Variants in NYAP2 observed in about 807,000 individuals in gnomAD.
NYAP2 encodes the protein neuronal tyrosine-phosphorylated phosphoinositide-3-kinase adaptor 2.
Under a neutral mutation model 50.4 loss-of-function variants are expected in NYAP2, and 23 were observed. The ratio of observed to expected loss-of-function variants is 0.46; its 90% CI spans 0.33 to 0.65. The LOEUF (loss-of-function observed/expected upper bound fraction) is 0.65. NYAP2 is among the 30% of genes least tolerant of loss of function. The pLI is 0.02. For synonymous variants in NYAP2, 394 were observed against 365.2 expected, an observed-to-expected ratio of 1.08 and a Z score of -0.90; for missense variants, 885 against 861.0, an observed-to-expected ratio of 1.03 and a Z score of -0.35.
chr2:225,414,784 G>A (rs1051526826), intron 3 of NYAP2, among the ~76,000 whole-genome samples: 7 of 152,128 alleles, frequency 4.6e-5, no homozygotes, highest in African/African-American at 1.7e-4. Flanking sequence ...TGCTAAATGT[G>A]CAAAAAGTCC....
intron 3 of NYAP2, among the ~76,000 whole-genome samples, chr2:225,413,334 A>G (rs1315843126): frequency 6.6e-6 from 1 of 152,102 alleles, no homozygotes; most frequent in African/African-American, 2.4e-5. Context: ...AAAAAATAGG[A>G]CAGGAGGAGG....
chr2:225,656,746 G>A (rs1693834526), downstream of NYAP2, among the ~76,000 whole-genome samples: 1 of 152,006 alleles, frequency 6.6e-6, no homozygotes, highest in Non-Finnish European at 1.5e-5. Context: ...CAGGGTGAAG[G>A]ACTTAGGTGA....
the NYAP2 span, among the ~76,000 whole-genome samples, chr2:225,691,849 C>T: frequency 6.6e-6 from 1 of 152,104 alleles, no homozygotes; most frequent in African/African-American, 2.4e-5. Context: ...ACTTTGAGAA[C>T]TCCAGCTTCC....
the NYAP2 span, chr2:225,701,979 T>C: frequency 1.3e-5 from 2 of 151,754 alleles, no homozygotes; most frequent in Non-Finnish European, 3.0e-5. Context: ...ACTAATAAAA[T>C]AAGACATCAA....
intron 3 of NYAP2, among the ~76,000 whole-genome samples, chr2:225,440,914 T>C (rs1689459890): frequency 6.6e-6 from 1 of 152,220 alleles, no homozygotes; most frequent in African/African-American, 2.4e-5. Context: ...AAAATCTGGC[T>C]GTCTCCATGT....
intron 6 of NYAP2, among the ~76,000 whole-genome samples, chr2:225,634,141 G>T (rs945022193): frequency 6.6e-6 from 1 of 152,212 alleles, no homozygotes; most frequent in African/African-American, 2.4e-5. Context: ...AGCACTAAAA[G>T]AGAAATAGAG....
the NYAP2 span, among the ~76,000 whole-genome samples, chr2:225,669,989 A>G: frequency 6.6e-6 from 1 of 152,186 alleles, no homozygotes; most frequent in Non-Finnish European, 1.5e-5. Context: ...TGAGGGGAAG[A>G]TGAAGAGCTC....
At chr2:225,686,820 T>C in the NYAP2 span, among the ~76,000 whole-genome samples, 1,493 of 152,210 alleles carry the variant, frequency 9.8e-3, 17 homozygotes, top group African/African-American at 0.034. Context: ...AGGATCTTGA[T>C]AATAATGAAG....
chr2:225,664,895 A>G, the NYAP2 span, among the ~76,000 whole-genome samples: 1 of 151,562 alleles, frequency 6.6e-6, no homozygotes, highest in African/African-American at 2.4e-5. Flanking sequence ...ACAAACAAAA[A>G]CCCCCAAAGG....
intron 6 of NYAP2, among the ~76,000 whole-genome samples, chr2:225,650,572 T>C (rs969805008): frequency 6.6e-6 from 1 of 152,136 alleles, no homozygotes; most frequent in Admixed American, 6.5e-5. Flanking sequence ...CCAAAGAGAG[T>C]TCTTAGGATT....
chr2:225,441,267 A>G (rs1043663243), intron 3 of NYAP2, among the ~76,000 whole-genome samples: 1 of 152,210 alleles, frequency 6.6e-6, no homozygotes, highest in Non-Finnish European at 1.5e-5. Context: ...TCTCAGACAT[A>G]TAACTGGGAA....
chr2:225,457,866 C>T (rs891200560), intron 3 of NYAP2, among the ~76,000 whole-genome samples: 2 of 151,956 alleles, frequency 1.3e-5, no homozygotes, highest in African/African-American at 4.8e-5. Context: ...GTCTTAATAC[C>T]CAGATGAGTC....
intron 4 of NYAP2, among the ~76,000 whole-genome samples, chr2:225,580,870 C>G (rs1011209015): frequency 6.6e-6 from 1 of 152,162 alleles, no homozygotes; most frequent in African/African-American, 2.4e-5. Flanking sequence ...GTTGTACTGT[C>G]AACTCACTAT....
chr2:225,510,363 C>T (rs1690789154), intron 3 of NYAP2, among the ~76,000 whole-genome samples: 1 of 152,132 alleles, frequency 6.6e-6, no homozygotes, highest in African/African-American at 2.4e-5. Context: ...TCTGGATTAG[C>T]TACATCAGAA....
intron 3 of NYAP2, among the ~76,000 whole-genome samples, chr2:225,478,896 A>G (rs1182387408): frequency 2.6e-5 from 4 of 152,234 alleles, no homozygotes; most frequent in Non-Finnish European, 4.4e-5. Flanking sequence ...ATATTGTGCA[A>G]GGATTGGAAG....
At chr2:225,512,346 T>A (rs186604005) in intron 3 of NYAP2, among the ~76,000 whole-genome samples, 30 of 152,354 alleles carry the variant, frequency 2.0e-4, no homozygotes, top group African/African-American at 7.2e-4. Context: ...TACTCAATGT[T>A]GCTGTTTTAT....
At chr2:225,583,111 G>T in intron 5 of NYAP2, 76 bp downstream of exon 5, 3 of 1,498,864 alleles carry the variant, frequency 2.0e-6, no homozygotes, top group Non-Finnish European at 2.7e-6. Flanking sequence ...ATTGTGTGCA[G>T]ATAACGCACA....
intron 3 of NYAP2, among the ~76,000 whole-genome samples, chr2:225,467,342 T>A (rs1392160194): frequency 6.6e-6 from 1 of 152,100 alleles, no homozygotes; most frequent in Non-Finnish European, 1.5e-5. Flanking sequence ...GACTCACCCC[T>A]TGCACCAGCT....
At chr2:225,472,243 C>G (rs1690023597) in intron 3 of NYAP2, among the ~76,000 whole-genome samples, 1 of 152,214 alleles carries the variant, frequency 6.6e-6, no homozygotes, top group Non-Finnish European at 1.5e-5. Flanking sequence ...TACATGTCTA[C>G]TCATTTGTTC....
Sources: gnomAD v4.1 joint callset for allele counts (sites outside exome capture counted in the v4.1 genomes callset) on GRCh38, gnomAD v4.1.1 for gene constraint, MANE v1.5 for transcripts, NCBI Gene and HGNC (gene_info 2026-07-23, HGNC 2026-07-21) for gene names.